DEPDC5: variants seen among roughly 807,000 people sequenced by gnomAD.
DEPDC5 encodes the protein GATOR1 complex protein DEPDC5.
Under a neutral mutation model 217.3 loss-of-function variants are expected in DEPDC5, and 73 were observed. The ratio of observed to expected loss-of-function variants is 0.34; its 90% confidence interval spans 0.28 to 0.41. DEPDC5 has a LOEUF of 0.41. Ranked by LOEUF, DEPDC5 falls within the 10% of genes least tolerant of loss-of-function variation. DEPDC5 has a pLI of 1.00. For missense variants in DEPDC5, 1,675 were observed against 2,070.1 expected (o/e 0.81, Z 3.70); for synonymous variants, 733 against 756.7 (o/e 0.97, Z 0.51).
intron 26 of DEPDC5, 31 bp from the exon 27 acceptor site, chr22:31,838,654 A>AG: frequency 6.2e-7 from 1 of 1,610,658 alleles, no homozygotes; most frequent in Non-Finnish European, 8.5e-7. Flanking sequence ...CGGGCCAAGC[A>AG]TCTGTATGAG....
intron 14 of DEPDC5, among the ~76,000 whole-genome samples, chr22:31,800,534 G>T (rs2086757943): frequency 1.3e-5 from 2 of 152,040 alleles, no homozygotes; most frequent in African/African-American, 2.4e-5. Flanking sequence ...GGAACTGGAA[G>T]GATCTTCCTT....
chr22:31,806,587 G>A (rs2087567549), intron 18 of DEPDC5, among the ~76,000 whole-genome samples: 1 of 152,212 alleles, frequency 6.6e-6, no homozygotes, highest in South Asian at 2.1e-4. Context: ...TCGTTTTATT[G>A]TGACCTGACT....
intron 8 of DEPDC5, 42 bp downstream of exon 8, chr22:31,778,210 C>A (rs2084078171): frequency 1.3e-6 from 2 of 1,567,974 alleles, no homozygotes; most frequent in African/African-American, 1.4e-5. Context: ...TCTCTCCATA[C>A]TATTATGGCT....
chr22:31,871,162 C>T (rs189468011), intron 34 of DEPDC5, among the ~76,000 whole-genome samples: 30 of 152,274 alleles, frequency 2.0e-4, no homozygotes, highest in African/African-American at 5.5e-4. Flanking sequence ...CCTTAGTATC[C>T]GGAGGAAAAG....
chr22:31,774,947 CA>C (rs1263156876), intron 7 of DEPDC5, among the ~76,000 whole-genome samples: 1 of 152,036 alleles, frequency 6.6e-6, no homozygotes, highest in Non-Finnish European at 1.5e-5. Context: ...TAAAGAAATA[CA>C]AGTCTCTTCT....
At chr22:31,753,978 G>C (rs538163955), upstream of DEPDC5, 349 of 152,930 alleles carry the variant, frequency 2.3e-3, no homozygotes, top group Non-Finnish European at 4.2e-3. Flanking sequence ...GGAGCCACCG[G>C]AGCGGCGCGG....
intron 11 of DEPDC5, 122 bp downstream of exon 11, chr22:31,792,224 T>C (rs866391077): frequency 3.0e-5 from 21 of 705,812 alleles, no homozygotes; most frequent in Middle Eastern, 2.4e-4. Context: ...TTTTCTGTTA[T>C]GGGGACAGTG....
intron 14 of DEPDC5, among the ~76,000 whole-genome samples, chr22:31,799,233 C>T (rs189018691): frequency 6.6e-5 from 10 of 151,294 alleles, no homozygotes; most frequent in African/African-American, 2.4e-4. Context: ...TTAGGAGACA[C>T]GGGGTTTCAC....
intron 5 of DEPDC5, 66 bp from the exon 6 acceptor site, chr22:31,766,519 C>A: frequency 6.7e-7 from 1 of 1,490,130 alleles, no homozygotes; most frequent in Non-Finnish European, 9.3e-7. Flanking sequence ...GGTAAGTGGG[C>A]ATTACCTTCT....
intron 2 of DEPDC5, among the ~76,000 whole-genome samples, chr22:31,756,869 C>T (rs991343267): frequency 1.3e-4 from 19 of 150,724 alleles, no homozygotes; most frequent in African/African-American, 2.0e-4. Context: ...TGCAGTGAGC[C>T]GAGATCATGC....
chr22:31,853,883 C>T (rs1207280411), intron 31 of DEPDC5, among the ~76,000 whole-genome samples: 3 of 152,164 alleles, frequency 2.0e-5, no homozygotes, highest in African/African-American at 2.4e-5. Flanking sequence ...CTAGTATGTG[C>T]GTCTTACTCA....
At chr22:31,847,007 C>T in intron 31 of DEPDC5, 40 bp downstream of exon 31, 2 of 1,613,894 alleles carry the variant, frequency 1.2e-6, no homozygotes, top group Non-Finnish European at 1.7e-6. Flanking sequence ...CCCACCTTGA[C>T]AGCCCTGAGG....
chr22:31,797,897 G>C (rs1396617683), intron 13 of DEPDC5, among the ~76,000 whole-genome samples, 194 bp downstream of exon 13: 3 of 151,740 alleles, frequency 2.0e-5, no homozygotes, highest in Non-Finnish European at 4.4e-5. Flanking sequence ...CCTAATACAG[G>C]GAGTGAGGCC....
At chr22:31,879,046 ATATAT>A (rs2093093335) in intron 37 of DEPDC5, among the ~76,000 whole-genome samples, 8 of 121,100 alleles carry the variant, frequency 6.6e-5, no homozygotes, top group East Asian at 2.2e-4. Context: ...AAAAAAAAAT[ATATAT>A]ATATATATAT....
chr22:31,886,929 A>C (rs777469637), intron 38 of DEPDC5, among the ~76,000 whole-genome samples: 6 of 150,152 alleles, frequency 4.0e-5, no homozygotes, highest in Non-Finnish European at 7.4e-5. Flanking sequence ...TAAAGATACA[A>C]AAAATTAGCA....
intron 21 of DEPDC5, chr22:31,815,622 C>T (rs2089006295): frequency 3.4e-6 from 2 of 588,072 alleles, no homozygotes; most frequent in Non-Finnish European, 5.9e-6. Flanking sequence ...CGGCCTTGAA[C>T]TCCTGGACTC....
At chr22:31,803,785 AAAG>A (rs1247845183) in intron 15 of DEPDC5, among the ~76,000 whole-genome samples, 1 of 152,068 alleles carries the variant, frequency 6.6e-6, no homozygotes, top group African/African-American at 2.4e-5. Flanking sequence ...TGATGCCACT[AAAG>A]AAGCTCTGTT....
chr22:31,886,756 A>T (rs1410849063), intron 38 of DEPDC5, among the ~76,000 whole-genome samples: 1 of 119,750 alleles, frequency 8.4e-6, no homozygotes. Context: ...TCTCCATCTC[A>T]AAAAAAAAAA....
intron 40 of DEPDC5, among the ~76,000 whole-genome samples, chr22:31,898,794 A>G (rs907033698): frequency 5.9e-5 from 9 of 152,232 alleles, no homozygotes; most frequent in Admixed American, 3.9e-4. Flanking sequence ...CGGGGTCCCA[A>G]GCAAGCCCCA....
Sources: allele counts gnomAD v4.1 joint callset (sites outside exome capture counted in the v4.1 genomes callset), GRCh38; gene constraint gnomAD v4.1.1; transcripts MANE v1.5; gene names NCBI Gene and HGNC (gene_info 2026-07-23, HGNC 2026-07-21).